Variants in ATR observed in about 807,000 individuals in gnomAD.
ATR encodes ATR checkpoint kinase, also known as serine/threonine-protein kinase ATR.
Under a neutral mutation model 305.3 loss-of-function variants are expected in ATR, and 142 were observed. The observed-to-expected ratio is 0.47, with a 90% CI of 0.41 to 0.53. The LOEUF (loss-of-function observed/expected upper bound fraction) is 0.53, where lower values mean the gene tolerates loss of function less well. Ranked by LOEUF, ATR falls within the 20% of genes least tolerant of loss-of-function variation. The pLI, the probability that ATR is intolerant of heterozygous loss-of-function variation, is 0.00. For synonymous variants in ATR, 1,050 were observed against 1,068.1 expected, an observed-to-expected ratio of 0.98 and a Z score of 0.33; for missense variants, 2,135 against 3,133.1, an observed-to-expected ratio of 0.68 and a Z score of 7.60.
chr3:142,455,106 T>A (rs1198225943), intron 45 of ATR, among the ~76,000 whole-genome samples: 1 of 152,148 alleles, frequency 6.6e-6, no homozygotes, highest in Non-Finnish European at 1.5e-5. Flanking sequence ...ATATCAATTA[T>A]ATATCTATGC....
rs2071171339 is a variant in ATR, at chr3:142,468,073, CAT to C, written c.6553-7_6553-6del. 1.9e-6 allele frequency: 3 copies of C among 1,610,760 alleles called. No individual in the cohort carries two copies. Among genetic ancestry groups the C allele is most frequent in the South Asian group, 2.2e-5 (2 of 90,806 alleles). ...CACACGCATGGGATAAGATGACTGTCATAAAAAAGAGTTAAATGTCATAAAAA... is the reference window on the plus strand; with the variant it reads ...CACACGCATGGGATAAGATGACTGTCAAAAAAGAGTTAAATGTCATAAAAA... On this transcript the variant is annotated splice_polypyrimidine_tract_variant and splice_region_variant and intron_variant, in intron 38 of 46. Transcript: ENST00000350721.
At chr3:142,528,880 T>TATATATATATATATATATATATATA (rs1491576068) in intron 21 of ATR, among the ~76,000 whole-genome samples, 1 of 38,630 alleles carries the variant, frequency 2.6e-5, no homozygotes, top group African/African-American at 2.1e-4. Flanking sequence ...TATATATATA[T>TATATATATATATATATATATATATA]TTTTTTTTTT....
At chr3:142,563,186 T>C (rs1382467515) in intron 3 of ATR, 77 bp from the exon 4 acceptor site, 38 of 1,395,778 alleles carry the variant, frequency 2.7e-5, no homozygotes, top group Admixed American at 6.7e-5. Context: ...TCCTTGACGA[T>C]TGACTTTTAA....
At chr3:142,495,841 C>A (rs2031558435) in intron 34 of ATR, among the ~76,000 whole-genome samples, 1 of 152,008 alleles carries the variant, frequency 6.6e-6, no homozygotes, top group Non-Finnish European at 1.5e-5. Flanking sequence ...CTTCTTATTA[C>A]TTTGGCTTTA....
Position 142,473,113 on chromosome 3 carries a change from T to G in ATR, c.6222-2930A>C, listed in dbSNP as rs888045810. On this transcript the variant is annotated intron_variant, in intron 36 of 46. Coordinates refer to ENST00000350721, the MANE Select transcript of ATR (RefSeq NM_001184.4). ...AGTCTTTTGGTTTGTATAATATCATTTGTCTATATTTGCTTTTGTTGGCTG... is the reference window on the plus strand; with the variant it reads ...AGTCTTTTGGTTTGTATAATATCATGTGTCTATATTTGCTTTTGTTGGCTG... Among the ~76,000 whole-genome samples, 44 of 152,342 alleles carry G rather than the reference T, an allele frequency of 2.9e-4. 1 individual carries two copies. The highest frequency in any genetic ancestry group is 9.9e-4 in the African/African-American group (41 of 41,592).
In ATR at chr3:142,505,319, A is replaced by T. The variant is rs1170531432; in HGVS notation, c.5032-16T>A. ...CATACAATTTCTTTGTTCAATGATT[A>T]AAAAACAATCAAAAACAAGAAAAAA... is the stretch of plus-strand genomic sequence containing the variant. On this transcript the variant is annotated splice_polypyrimidine_tract_variant and intron_variant, in intron 28 of 46. Transcript: ENST00000350721. 1 of 1,612,652 alleles carries T rather than the reference A, an allele frequency of 6.2e-7. No homozygotes were observed. Among genetic ancestry groups the T allele is most frequent in the South Asian group, 1.1e-5 (1 of 91,008 alleles).
At chr3:142,537,617 G>A (rs1200011469) in intron 19 of ATR, among the ~76,000 whole-genome samples, 1 of 152,040 alleles carries the variant, frequency 6.6e-6, no homozygotes, top group South Asian at 2.1e-4. Context: ...TCCCTCATTA[G>A]ACAGTTACTG....
Position 142,562,458 on chromosome 3 carries a change from G to T in ATR, c.944C>A (p.Pro315His). 1.2e-6 allele frequency: 2 copies of T among 1,614,068 alleles called. No individual in the cohort carries two copies. Among genetic ancestry groups the T allele is most frequent in the Non-Finnish European group, 1.7e-6 (2 of 1,179,966 alleles). ...TTCCAGCAGCATATTTAAATAGACA[G>T]GTTCAATATTTCTATAAGCTTCTGC... ...FEAEAYRNIE[P>H]VYLNMLLEKL... is the part of the protein sequence containing the mutation. Residue 315 changes from proline (P) to histidine (H), a missense_variant, in exon 4 of 47, where the codon CCT becomes CAT. Pro to His is a moderately conservative substitution (Grantham distance 77). Transcript: ENST00000350721.
Position 142,562,482 on chromosome 3 carries a change from G to C in ATR, c.920C>G (p.Ala307Gly), listed in dbSNP as rs1310885833. 2 of 1,614,132 alleles carry C rather than the reference G, an allele frequency of 1.2e-6. No individual in the cohort carries two copies. Among genetic ancestry groups the C allele is most frequent in the South Asian group, 2.2e-5 (2 of 91,084 alleles). ...AGGTTCAATATTTCTATAAGCTTCT[G>C]CTTCAAAGGGAAATAGTGTCTTTAT... ...KLIKTLFPFE[A>G]EAYRNIEPVY... Residue 307 changes from alanine to glycine, a missense_variant, in exon 4 of 47, where the codon GCA becomes GGA. Ala to Gly is a moderately conservative substitution (Grantham distance 60). Around this residue, in one of 9 missense-constraint regions of ATR, gnomAD observed 744 missense variants for 873.2 expected, o/e 0.85. Transcript: ENST00000350721.
In ATR at chr3:142,524,057, G is replaced by GC; in HGVS notation, c.4087dup (p.Ala1363GlyfsTer13). ...GAAATCTAATCGACCTGGATCTATC[G>GC]CCCCCAATTCCCCTAAACATTCCCC... On this transcript the variant is annotated frameshift_variant, in exon 22 of 47. Coordinates refer to ENST00000350721, the MANE Select transcript of ATR (RefSeq NM_001184.4). LOFTEE classifies it high-confidence loss of function. 2 of 1,613,836 alleles carry GC rather than the reference G, an allele frequency of 1.2e-6. No individual in the cohort carries two copies. The highest frequency in any genetic ancestry group is 1.3e-5 in the African/African-American group (1 of 74,946).
At chr3:142,460,166 C>T (rs1220105924) in intron 42 of ATR, among the ~76,000 whole-genome samples, 1 of 151,862 alleles carries the variant, frequency 6.6e-6, no homozygotes, top group Non-Finnish European at 1.5e-5. Context: ...TGGCACTGTC[C>T]ATAAAATAGG....
chr3:142,551,116 T>G (rs1420880071), intron 13 of ATR, among the ~76,000 whole-genome samples: 1 of 152,126 alleles, frequency 6.6e-6, no homozygotes, highest in Admixed American at 6.5e-5. Flanking sequence ...GCAAGCACAA[T>G]GCTTTCTTTT....
chr3:142,553,910 G>C lies in ATR; in HGVS notation c.2447C>G (p.Pro816Arg), dbSNP rs2108465516. The change falls in exon 11 of 47, where the codon CCA becomes CGA. Residue 816 changes from proline (P) to arginine (R), a missense_variant. By Grantham distance (103) the Pro-to-Arg change is moderately radical. Coordinates refer to ENST00000350721, the MANE Select transcript of ATR (RefSeq NM_001184.4). ...LGTLLNLMED[P>R]DKDVRVAFSG... ...AAAAGCCACTCTAACATCTTTGTCT[G>C]GATCTTCCATTAAATTTAATAAAGT... The C allele has an allele frequency of 6.2e-7, 1 of 1,612,852 alleles. No individual in the cohort carries two copies. Among genetic ancestry groups the C allele is most frequent in the Non-Finnish European group, 8.5e-7 (1 of 1,179,284 alleles).
chr3:142,473,990 G>C (rs6776083), intron 36 of ATR, among the ~76,000 whole-genome samples: 1 of 141,474 alleles, frequency 7.1e-6, no homozygotes, highest in African/African-American at 2.7e-5. Context: ...GCAGAGGCAC[G>C]ATCTTGGTTC....
chr3:142,552,964 G>A (rs964060211), intron 13 of ATR, among the ~76,000 whole-genome samples: 1 of 151,838 alleles, frequency 6.6e-6, no homozygotes, highest in African/African-American at 2.4e-5. Context: ...TAAGGGGGGT[G>A]GGGGAAGGGA....
intron 36 of ATR, among the ~76,000 whole-genome samples, chr3:142,477,168 A>T (rs535614528): frequency 1.3e-5 from 2 of 152,088 alleles, no homozygotes; most frequent in Non-Finnish European, 1.5e-5. Flanking sequence ...TCCCTGTCTT[A>T]TGCCAGTTTT....
intron 36 of ATR, among the ~76,000 whole-genome samples, chr3:142,483,522 G>A (rs1031196092): frequency 5.3e-5 from 8 of 152,112 alleles, no homozygotes; most frequent in Non-Finnish European, 8.8e-5. Context: ...TGGGCTAGAA[G>A]GAAGTACTCC....
Position 142,561,274 on chromosome 3 carries a change from G to A in ATR, c.1318C>T (p.Pro440Ser), listed in dbSNP as rs535140939. 4.3e-6 allele frequency: 7 copies of A among 1,614,010 alleles called. No individual in the cohort carries two copies. The African/African-American group carries it at 9.3e-5, about 22-fold the overall frequency. Residue 440 changes from proline to serine, a missense_variant, in exon 5 of 47, where the codon CCT (proline) becomes TCT (serine). Pro to Ser is a moderately conservative substitution (Grantham distance 74, BLOSUM62 -1). Transcript: ENST00000350721. Reference sequence around the variant, plus strand: ...GTCTGTTTTGGTGCTCTTTTAGAAGGGTTTAGAGACGAGCTGAGACGACGC... The same window carrying A: ...GTCTGTTTTGGTGCTCTTTTAGAAGAGTTTAGAGACGAGCTGAGACGACGC... Reference protein sequence around the residue: ...KRRRLSSSLNPSKRAPKQTEE... With the variant: ...KRRRLSSSLNSSKRAPKQTEE...
intron 1 of ATR, among the ~76,000 whole-genome samples, chr3:142,568,945 G>A (rs1288876619): frequency 6.6e-6 from 1 of 152,198 alleles, no homozygotes; most frequent in Non-Finnish European, 1.5e-5. Context: ...CCCTCGGCAC[G>A]AACAGCCTCG....
Sources: allele counts gnomAD v4.1 joint callset (sites outside exome capture counted in the v4.1 genomes callset), GRCh38; gene constraint gnomAD v4.1.1; regional missense constraint gnomAD v4.1.1; transcripts MANE v1.5; gene names NCBI Gene and HGNC (gene_info 2026-07-23, HGNC 2026-07-21).